MGARP: variants seen among roughly 807,000 people sequenced by gnomAD.
The protein encoded by MGARP is protein MGARP.
A neutral mutation model predicts 11.0 loss-of-function variants in MGARP; 12 were observed. That is an observed-to-expected ratio of 1.09 (90% CI 0.70 to 1.77). The LOEUF (loss-of-function observed/expected upper bound fraction) is 1.77, where lower values mean the gene tolerates loss of function less well. MGARP is among the 40% of genes most tolerant of loss of function. MGARP has a pLI of 0.00. For missense variants in MGARP, 283 were observed against 297.8 expected (o/e 0.95, Z 0.36); for synonymous variants, 110 against 115.4 (o/e 0.95, Z 0.30).
At chr4:139,277,195 T>C (rs1744886836) in intron 1 of MGARP, among the ~76,000 whole-genome samples, 1 of 152,172 alleles carries the variant, frequency 6.6e-6, no homozygotes, top group Non-Finnish European at 1.5e-5. Flanking sequence ...TGGCCTAACA[T>C]AAAGTATAGG....
At position 139,268,770 on chromosome 4, in the gene MGARP, A is replaced by G; in HGVS notation, c.187-5T>C. On this transcript the variant is annotated splice_region_variant and splice_polypyrimidine_tract_variant and intron_variant, in intron 2 of 3. Transcript: ENST00000398955. ...TGATGTGACTGTCTTGTAAGCCTGA[A>G]AGTAAATGTATGCTTAGGTTTATTT... 6.3e-7 allele frequency: 1 copy of G among 1,595,550 alleles called. No homozygotes were observed. The highest frequency in any genetic ancestry group is 1.1e-5 in the South Asian group (1 of 88,472).
chr4:139,266,568 A>G lies in MGARP; in HGVS notation c.*31T>C, dbSNP rs374477941. 35 of 1,589,164 alleles carry G rather than the reference A, an allele frequency of 2.2e-5. No individual in the cohort carries two copies. The highest frequency in any genetic ancestry group is 3.0e-5 in the Non-Finnish European group (35 of 1,166,092). Reference sequence around the variant, plus strand: ...AAGCACTTATCAGACACCCTATGGCATTTGTTGCTGAAATGTCTACCGGCT... The same window carrying G: ...AAGCACTTATCAGACACCCTATGGCGTTTGTTGCTGAAATGTCTACCGGCT... On this transcript the variant is annotated 3_prime_UTR_variant, in exon 4 of 4. Transcript: ENST00000398955.
intron 1 of MGARP, among the ~76,000 whole-genome samples, chr4:139,276,225 G>A (rs528170132): frequency 2.6e-4 from 39 of 152,208 alleles, no homozygotes; most frequent in African/African-American, 7.0e-4. Context: ...CATCTACTAC[G>A]TATTTGGAAT....
At chr4:139,280,054 C>T (rs751331096) in intron 1 of MGARP, 23 bp downstream of exon 1, 2 of 1,610,964 alleles carry the variant, frequency 1.2e-6, no homozygotes, top group African/African-American at 1.3e-5. Context: ...GTCCTCCTCT[C>T]CGGGCTAGAC....
chr4:139,275,915 C>G (rs560010741), intron 1 of MGARP, among the ~76,000 whole-genome samples: 123 of 152,142 alleles, frequency 8.1e-4, no homozygotes, highest in Non-Finnish European at 1.4e-3. Flanking sequence ...CAATTTTTCT[C>G]TTATAAAGCA....
rs1051247390 is a variant in MGARP, at chr4:139,266,470, A to G, written c.*129T>C. ...TAAAATCTATCAGTGGATGCCAAAA[A>G]TCTTCAAGACCCATTAACGTTTTCT... On this transcript the variant is annotated 3_prime_UTR_variant, in exon 4 of 4. Coordinates refer to ENST00000398955, the MANE Select transcript of MGARP (RefSeq NM_032623.4). 4.0e-5 allele frequency: 35 copies of G among 871,272 alleles called. No homozygotes were observed. Among genetic ancestry groups the G allele is most frequent in the Non-Finnish European group, 5.8e-5 (34 of 585,018 alleles). 54.0% of individuals were successfully genotyped at this position (871,272 alleles called of 1,614,324 possible). A position where few individuals can be genotyped will look rare whatever the true frequency, so the allele number is the denominator to read the frequency against.
intron 2 of MGARP, among the ~76,000 whole-genome samples, chr4:139,272,913 C>T (rs548303222): frequency 4.8e-4 from 73 of 152,010 alleles, no homozygotes; most frequent in Admixed American, 3.0e-3. Context: ...GTCTTGAACT[C>T]CTGAACTCGT....
At chr4:139,276,916 T>C (rs1744883571) in intron 1 of MGARP, among the ~76,000 whole-genome samples, 1 of 152,208 alleles carries the variant, frequency 6.6e-6, no homozygotes, top group Non-Finnish European at 1.5e-5. Context: ...TTGGAATATA[T>C]GCATACACAT....
At chr4:139,278,564 G>C (rs1239079014) in intron 1 of MGARP, among the ~76,000 whole-genome samples, 1 of 152,078 alleles carries the variant, frequency 6.6e-6, no homozygotes, top group Non-Finnish European at 1.5e-5. Flanking sequence ...AATTTCTGCA[G>C]CTACAAAAAA....
rs1553988390 is a variant in MGARP at position 139,270,623 on chromosome 4, A to AAG, written c.187-1859_187-1858insCT. 1.8e-3 allele frequency among the ~76,000 whole-genome samples: 272 copies of AAG among 151,332 alleles called. 3 individuals are homozygous for AAG. Among genetic ancestry groups the AAG allele is most frequent in the African/African-American group, 6.5e-3 (265 of 41,066 alleles). On this transcript the variant is annotated intron_variant, in intron 2 of 3. Transcript: ENST00000398955. The stretch of plus-strand genomic sequence containing the variant: ...GACCGCGTCTGAAAAAAAAAAAAAA[A>AAG]AAAAGAAAAGAAAATCTATAATGTC...
chr4:139,273,648 A>G (rs1205402515), intron 2 of MGARP, among the ~76,000 whole-genome samples: 1 of 149,440 alleles, frequency 6.7e-6, no homozygotes, highest in Non-Finnish European at 1.5e-5. Flanking sequence ...CTGAGTAGCT[A>G]TGATTACAGG....
At chr4:139,270,039 C>G (rs1325997424) in intron 2 of MGARP, among the ~76,000 whole-genome samples, 1 of 152,056 alleles carries the variant, frequency 6.6e-6, no homozygotes, top group Non-Finnish European at 1.5e-5. Flanking sequence ...CAATGGTCCA[C>G]ACCTGTAATC....
chr4:139,275,384 G>T lies in MGARP; in HGVS notation c.91C>A (p.Arg31Ser). The change falls in exon 2 of 4, where the codon CGC (arginine) becomes AGC (serine). Residue 31 changes from arginine to serine, a missense_variant. Arg to Ser is a moderately radical substitution (Grantham distance 110). Coordinates refer to ENST00000398955, the MANE Select transcript of MGARP (RefSeq NM_032623.4). ...PAPLGKDASL[R>S]RMSSNRFPGS... Reference sequence around the variant, plus strand: ...GGGAATCTGTTAGATGACATCCGGCGCAGAGATGCTAGGAAAAAAATGTTT... The same window carrying T: ...GGGAATCTGTTAGATGACATCCGGCTCAGAGATGCTAGGAAAAAAATGTTT... 1 of 1,612,432 alleles carries T rather than the reference G, an allele frequency of 6.2e-7. No homozygotes were observed. Among genetic ancestry groups the T allele is most frequent in the Non-Finnish European group, 8.5e-7 (1 of 1,179,430 alleles).
chr4:139,274,251 C>G (rs1744832198), intron 2 of MGARP, among the ~76,000 whole-genome samples: 1 of 151,974 alleles, frequency 6.6e-6, no homozygotes, highest in Non-Finnish European at 1.5e-5. Flanking sequence ...ACAGAACATA[C>G]AACGCAAAGA....
At chr4:139,271,919 GCAACC>G (rs1744788003) in intron 2 of MGARP, among the ~76,000 whole-genome samples, 1 of 152,156 alleles carries the variant, frequency 6.6e-6, no homozygotes, top group African/African-American at 2.4e-5. Context: ...GATTCCTTTT[GCAACC>G]AGTGAGTTAG....
rs745749792 is a variant in MGARP, at chr4:139,280,101, T to TG, written c.57dup (p.Asn20GlnfsTer17). The TG allele has an allele frequency of 5.0e-6, 8 of 1,611,948 alleles. No homozygotes were observed. The East Asian group carries it at 6.7e-5, about 13-fold the overall frequency. On this transcript the variant is annotated frameshift_variant, in exon 1 of 4. Transcript: ENST00000398955. LOFTEE classifies it high-confidence loss of function. ...CCGTCCTTTCCGAGCGGCGCGGGGT[T>TG]GGGGGGCGCCCTCAGCGGCAGCGCC...
intron 2 of MGARP, 56 bp from the exon 3 acceptor site, chr4:139,268,821 A>T: frequency 7.5e-7 from 1 of 1,333,130 alleles, no homozygotes; most frequent in Non-Finnish European, 1.1e-6. Flanking sequence ...TTGTCACGCC[A>T]CATCCAAAGG....
In MGARP at chr4:139,275,301, A is replaced by T. The variant is rs771912172; in HGVS notation, c.174T>A (p.Ala58=). ...TATAATCACTTACATAATATCCACC[A>T]GCACTGACTGTGACGCCTACAACCA... ...YYLVVGVTVS[A]GGYYAYKTVT... The change falls in exon 2 of 4, where the codon GCT becomes GCA. Residue 58 remains alanine (A), a synonymous_variant. Transcript: ENST00000398955. 5 of 1,613,518 alleles carry T rather than the reference A, an allele frequency of 3.1e-6. No individual in the cohort carries two copies. In the South Asian group the frequency reaches 4.4e-5, roughly 14 times the overall value.
chr4:139,270,223 C>G (rs1209049019), intron 2 of MGARP, among the ~76,000 whole-genome samples: 4 of 150,778 alleles, frequency 2.7e-5, no homozygotes, highest in African/African-American at 4.9e-5. Context: ...TCACTTGAAC[C>G]CTGTAGGCAG....
Sources: gnomAD v4.1 joint callset for allele counts (sites outside exome capture counted in the v4.1 genomes callset) on GRCh38, gnomAD v4.1.1 for gene constraint, MANE v1.5 for transcripts, NCBI Gene and HGNC (gene_info 2026-07-23, HGNC 2026-07-21) for gene names.